The following SPIN1 variants were observed in gnomAD, a reference collection of about 807,000 sequenced individuals.
SPIN1 encodes the protein spindlin 1, also known as spindlin-1.
In SPIN1, 3 loss-of-function variants were observed where a neutral mutation model predicts 26.0. That is an observed-to-expected ratio of 0.12 (90% CI 0.05 to 0.30). SPIN1 has a LOEUF of 0.30. Ranked by LOEUF, SPIN1 falls within the 10% of genes least tolerant of loss-of-function variation. SPIN1 has a pLI of 1.00. For missense variants in SPIN1, 126 were observed against 333.4 expected (o/e 0.38, Z 4.84); for synonymous variants, 101 against 116.5 (o/e 0.87, Z 0.86).
At chr9:88,467,659 T>A (rs1221595553) in intron 4 of SPIN1, among the ~76,000 whole-genome samples, 1 of 152,022 alleles carries the variant, frequency 6.6e-6, no homozygotes, top group Admixed American at 6.6e-5. Context: ...TGGTGAGCAG[T>A]TTGGTTGTTT....
At chr9:88,421,673 T>C (rs1827669344) in intron 1 of SPIN1, among the ~76,000 whole-genome samples, 1 of 147,712 alleles carries the variant, frequency 6.8e-6, no homozygotes, top group Non-Finnish European at 1.5e-5. Context: ...GTTGAGTCTT[T>C]AGTCTCTTTT....
chr9:88,444,512 G>A (rs1828204111), intron 2 of SPIN1, among the ~76,000 whole-genome samples: 1 of 151,720 alleles, frequency 6.6e-6, no homozygotes, highest in African/African-American at 2.4e-5. Context: ...CAAAGTGCTG[G>A]GATCACAGGC....
rs1185845906 is a variant in SPIN1 at position 88,408,965 on chromosome 9, T to TTGTGTTTGTG, written c.-158-17401_-158-17392dup. ...GCGTGAGCCACAGCGCCCGGCCCTT[T>TTGTGTTTGTG]TGTGTTTGTGTGTGTTTGTGTGTGT... On this transcript the variant is annotated intron_variant, in intron 1 of 5. Coordinates refer to ENST00000375859, the MANE Select transcript of SPIN1 (RefSeq NM_006717.3). Among the ~76,000 whole-genome samples, 63 of 132,448 alleles carry TTGTGTTTGTG rather than the reference T, an allele frequency of 4.8e-4. 1 individual carries two copies. The South Asian group carries it at 0.014, about 29-fold the overall frequency. 86.9% of individuals were successfully genotyped at this position (132,448 alleles called of 152,430 possible).
chr9:88,406,825 A>C (rs1827320788), intron 1 of SPIN1, among the ~76,000 whole-genome samples: 1 of 152,040 alleles, frequency 6.6e-6, no homozygotes, highest in African/African-American at 2.4e-5. Context: ...ATCTTTTACT[A>C]TCAAAATCTA....
At chr9:88,409,369 T>C (rs1321026840) in intron 1 of SPIN1, among the ~76,000 whole-genome samples, 1 of 152,126 alleles carries the variant, frequency 6.6e-6, no homozygotes, top group Non-Finnish European at 1.5e-5. Flanking sequence ...TGTGTGTGTG[T>C]ATACACACGT....
chr9:88,414,146 G>A (rs1005749809), intron 1 of SPIN1, among the ~76,000 whole-genome samples: 1 of 152,154 alleles, frequency 6.6e-6, no homozygotes, highest in Admixed American at 6.6e-5. Context: ...GGTATTAACC[G>A]GGAAAGCTCA....
intron 3 of SPIN1, among the ~76,000 whole-genome samples, chr9:88,454,642 ATTC>A (rs1427361616): frequency 6.6e-6 from 1 of 152,234 alleles, no homozygotes; most frequent in African/African-American, 2.4e-5. Context: ...AAATCTTGGC[ATTC>A]TTCACCTAGC....
At chr9:88,471,370 T>C (rs1392170186) in intron 5 of SPIN1, among the ~76,000 whole-genome samples, 3 of 151,988 alleles carry the variant, frequency 2.0e-5, no homozygotes, top group Non-Finnish European at 4.4e-5. Flanking sequence ...CCCCATTGAA[T>C]GGTTTTGGCA....
intron 1 of SPIN1, among the ~76,000 whole-genome samples, chr9:88,409,200 G>T (rs1162176917): frequency 3.4e-5 from 5 of 147,778 alleles, no homozygotes; most frequent in Admixed American, 2.0e-4. Context: ...TTTTCATGTT[G>T]ATCAGGCTGG....
intron 2 of SPIN1, among the ~76,000 whole-genome samples, chr9:88,438,492 G>A (rs555760718): frequency 3.3e-5 from 5 of 152,182 alleles, no homozygotes; most frequent in South Asian, 4.1e-4. Flanking sequence ...TGTATTTTCC[G>A]TGTGAACTTG....
At chr9:88,410,112 C>T (rs955917292) in intron 1 of SPIN1, among the ~76,000 whole-genome samples, 1 of 151,448 alleles carries the variant, frequency 6.6e-6, no homozygotes, top group Non-Finnish European at 1.5e-5. Context: ...TCCTGTCTCT[C>T]TGATACCTTA....
At chr9:88,398,240 C>G (rs184786984) in intron 1 of SPIN1, among the ~76,000 whole-genome samples, 2 of 151,996 alleles carry the variant, frequency 1.3e-5, no homozygotes, top group Non-Finnish European at 2.9e-5. Context: ...CATGAGTCAC[C>G]GTGCCTGGCT....
chr9:88,442,937 T>C (rs1828167148), intron 2 of SPIN1, among the ~76,000 whole-genome samples: 2 of 151,268 alleles, frequency 1.3e-5, no homozygotes, highest in South Asian at 2.1e-4. Context: ...CTGACCAACA[T>C]GGTGAAACCC....
In SPIN1 at chr9:88,413,568, A is replaced by G. The variant is rs1134888; in HGVS notation, c.-158-12814A>G. 4.8e-4 allele frequency among the ~76,000 whole-genome samples: 69 copies of G among 144,726 alleles called. 1 individual carries two copies. The East Asian group carries it at 0.014, about 29-fold the overall frequency. 94.9% of individuals were successfully genotyped at this position (144,726 alleles called of 152,430 possible). On this transcript the variant is annotated intron_variant, in intron 1 of 5. Transcript: ENST00000375859. Reference sequence around the variant, plus strand: ...CTGGCTAATTTTTTTTAGTAGAGACAGGGTTTCACCATTTTGGCCAGGCTG... The same window carrying G: ...CTGGCTAATTTTTTTTAGTAGAGACGGGGTTTCACCATTTTGGCCAGGCTG...
chr9:88,457,981 T>C, intron 3 of SPIN1: 1 of 985,358 alleles, frequency 1.0e-6, no homozygotes, highest in Non-Finnish European at 1.2e-6. Context: ...TTTAAGTTTT[T>C]CTTTTACTAA....
chr9:88,424,076 G>A (rs942747184), intron 1 of SPIN1, among the ~76,000 whole-genome samples: 1 of 152,070 alleles, frequency 6.6e-6, no homozygotes, highest in Non-Finnish European at 1.5e-5. Context: ...CCTTTACATC[G>A]TGTGTTGTAT....
chr9:88,466,189 C>T (rs936022713), intron 4 of SPIN1, among the ~76,000 whole-genome samples: 6 of 151,990 alleles, frequency 3.9e-5, no homozygotes, highest in South Asian at 2.1e-4. Flanking sequence ...GACAGGATCT[C>T]GCTTTGTCAC....
chr9:88,474,346 G>C (rs1005408870), intron 5 of SPIN1, among the ~76,000 whole-genome samples: 4 of 152,076 alleles, frequency 2.6e-5, no homozygotes, highest in African/African-American at 9.7e-5. Flanking sequence ...GTTTCTGTGT[G>C]TTTTCTTAGA....
intron 5 of SPIN1, among the ~76,000 whole-genome samples, chr9:88,471,089 A>G (rs1246325450): frequency 6.6e-6 from 1 of 152,132 alleles, no homozygotes; most frequent in South Asian, 2.1e-4. Context: ...CTTTGCACAA[A>G]AGTTTTAAAC....
Sources: gnomAD v4.1 joint callset for allele counts (sites outside exome capture counted in the v4.1 genomes callset) on GRCh38, gnomAD v4.1.1 for gene constraint, MANE v1.5 for transcripts, NCBI Gene and HGNC (gene_info 2026-07-23, HGNC 2026-07-21) for gene names.